Variants in CST2 observed in about 807,000 individuals in gnomAD.
The protein encoded by CST2 is cystatin SA, also known as cystatin-SA.
In CST2, 26 loss-of-function variants were observed where a neutral mutation model predicts 13.4. The observed-to-expected ratio is 1.95, with a 90% CI of 1.43 to 2.70. The LOEUF (loss-of-function observed/expected upper bound fraction) is 2.70, where lower values mean the gene tolerates loss of function less well. Among genes scored for constraint, CST2 ranks in the 30% most tolerant of loss-of-function variants. CST2 has a pLI of 0.00. For synonymous variants in CST2, 105 were observed against 71.1 expected (o/e 1.48, Z -2.40); for missense variants, 243 against 173.4 (o/e 1.40, Z -2.25).
chr20:23,826,392 A>C, intron 1 of CST2, 41 bp downstream of exon 1: 1 of 1,556,788 alleles, frequency 6.4e-7, no homozygotes, highest in Non-Finnish European at 8.8e-7. Flanking sequence ...GCAACAAACA[A>C]GGCTGGGACT....
rs771770883 is a variant in CST2, at chr20:23,826,684, G to C, written c.-24C>G. ...ATGGTCTCCTCGGAGGCAGAGCACA[G>C]AGCTGGAGCTGCAGGAGAGGAGGTT... On this transcript the variant is annotated 5_prime_UTR_variant, in exon 1 of 3. Transcript: ENST00000304725. 6.4e-7 allele frequency: 1 copy of C among 1,560,466 alleles called. No homozygotes were observed. The highest frequency in any genetic ancestry group is 2.3e-5 in the East Asian group (1 of 42,888).
At position 23,825,110 on chromosome 20, in the gene CST2, C is replaced by G. The variant is rs6036547; in HGVS notation, c.342+100G>C. The G allele has an allele frequency of 2.0e-6, 3 of 1,516,868 alleles. No individual in the cohort carries two copies. In the Admixed American group the frequency reaches 5.1e-5, roughly 26 times the overall value. 94.0% of individuals were successfully genotyped at this position (1,516,868 alleles called of 1,614,324 possible). ...CATACATGACTCCCCACATACCCAC[C>G]TGCACACACACACCCTCCAAACATG... On this transcript the variant is annotated intron_variant, in intron 2 of 2. Coordinates refer to ENST00000304725, the MANE Select transcript of CST2 (RefSeq NM_001322.3).
At position 23,823,928 on chromosome 20, in the gene CST2, C is replaced by G; in HGVS notation, c.*92G>C. On this transcript the variant is annotated 3_prime_UTR_variant, in exon 3 of 3. Transcript: ENST00000304725. Reference sequence around the variant, plus strand: ...TCCTGCTGCAGGTGCATGGGGAGACCTCCCACAGGGTGGGGGCCACCAGTC... The same window carrying G: ...TCCTGCTGCAGGTGCATGGGGAGACGTCCCACAGGGTGGGGGCCACCAGTC... 1.6e-6 allele frequency: 2 copies of G among 1,271,404 alleles called. No individual in the cohort carries two copies. The allele number at this position is 1,271,404 out of a possible 1,614,324, so 78.8% of individuals were successfully genotyped here. A position where few individuals can be genotyped will look rare whatever the true frequency, so the allele number is the denominator to read the frequency against.
Position 23,823,803 on chromosome 20 carries a change from T to A in CST2, c.*217A>T. On this transcript the variant is annotated 3_prime_UTR_variant, in exon 3 of 3. Transcript: ENST00000304725. ...ACTGTTTAATTGCAGGAGGTGGGGG[T>A]GTGTGTACCATGTACCAGGGCTATG... is the stretch of plus-strand genomic sequence containing the variant. 1 of 564,944 alleles carries A rather than the reference T, an allele frequency of 1.8e-6. No individual in the cohort carries two copies. Among genetic ancestry groups the A allele is most frequent in the Non-Finnish European group, 3.2e-6 (1 of 314,342 alleles). 35.0% of individuals were successfully genotyped at this position (564,944 alleles called of 1,614,324 possible).
In CST2 at chr20:23,825,309, C is replaced by A. The variant is rs115158019; in HGVS notation, c.243G>T (p.Val81=). ...LRAREQIVGG[V]NYFFDIEVGR... ...CCACCTCTATGTCGAAGAAGTAATTCACCCCGCCCACGATCTACACACATG... is the reference window on the plus strand; with the variant it reads ...CCACCTCTATGTCGAAGAAGTAATTAACCCCGCCCACGATCTACACACATG... Residue 81 remains valine (V), a synonymous_variant, in exon 2 of 3, where the codon GTG becomes GTT. Transcript: ENST00000304725. The A allele has an allele frequency of 8.5e-4, 1,238 of 1,459,922 alleles. 8 individuals carry two copies. In the African/African-American group the frequency reaches 0.02, roughly 23 times the overall value. The allele number at this position is 1,459,922 out of a possible 1,614,324, so 90.4% of individuals were successfully genotyped here.
In CST2 at chr20:23,824,062, C is replaced by T. The variant is rs1391825747; in HGVS notation, c.384G>A (p.Glu128=). ...CSFQIYEVPW[E]DRMSLVNSRC... Reference sequence around the variant, plus strand: ...TGGAATTCACCAGGGACATTCTGTCCTCCCAGGGAACTTCGTAGATCTGGA... The same window carrying T: ...TGGAATTCACCAGGGACATTCTGTCTTCCCAGGGAACTTCGTAGATCTGGA... Residue 128 remains glutamate, a synonymous_variant, in exon 3 of 3, where the codon GAG becomes GAA. Coordinates refer to ENST00000304725, the MANE Select transcript of CST2 (RefSeq NM_001322.3). The T allele has an allele frequency of 1.9e-6, 3 of 1,614,004 alleles. No individual in the cohort carries two copies. The highest frequency in any genetic ancestry group is 1.3e-5 in the African/African-American group (1 of 74,926).
chr20:23,825,749 G>C (rs1984813301), intron 1 of CST2, among the ~76,000 whole-genome samples: 1 of 152,208 alleles, frequency 6.6e-6, no homozygotes, highest in Non-Finnish European at 1.5e-5. Flanking sequence ...TCCCGTGCAG[G>C]GTGAGGGTCC....
rs1449975861 is a variant in CST2, at chr20:23,823,981, G to A, written c.*39C>T. The A allele has an allele frequency of 1.2e-6, 2 of 1,606,864 alleles. No homozygotes were observed. The highest frequency in any genetic ancestry group is 2.2e-5 in the South Asian group (2 of 90,848). ...GGGGTGGGAGCACTACAAGGGGTGG[G>A]AGTAGGAGGTGGTCAGTGTGACTCC... On this transcript the variant is annotated 3_prime_UTR_variant, in exon 3 of 3. Transcript: ENST00000304725.
intron 2 of CST2, 57 bp downstream of exon 2, chr20:23,825,153 C>T: frequency 6.2e-7 from 1 of 1,605,520 alleles, no homozygotes; most frequent in Admixed American, 1.7e-5. Context: ...CAGAGACTGA[C>T]ACATACGCAC....
chr20:23,824,141 T>G (rs1416653567), intron 2 of CST2, 38 bp from the exon 3 acceptor site: 2 of 1,607,554 alleles, frequency 1.2e-6, no homozygotes, highest in Non-Finnish European at 1.7e-6. Context: ...CAGTGTGAGT[T>G]ACAGTTAAAG....
Position 23,823,974 on chromosome 20 carries a change from G to T in CST2, c.*46C>A, listed in dbSNP as rs541393635. ...CAGTCCAGGGGTGGGAGCACTACAA[G>T]GGGTGGGAGTAGGAGGTGGTCAGTG... On this transcript the variant is annotated 3_prime_UTR_variant, in exon 3 of 3. Coordinates refer to ENST00000304725, the MANE Select transcript of CST2 (RefSeq NM_001322.3). The T allele has an allele frequency of 8.4e-5, 134 of 1,601,846 alleles. No homozygotes were observed. In the Admixed American group the frequency reaches 8.8e-4, roughly 11 times the overall value.
intron 1 of CST2, among the ~76,000 whole-genome samples, chr20:23,825,657 G>A (rs1488519638): frequency 6.6e-6 from 1 of 152,232 alleles, no homozygotes; most frequent in Non-Finnish European, 1.5e-5. Flanking sequence ...GGTCTGCAAT[G>A]CCCTGTGCTT....
intron 2 of CST2, 104 bp downstream of exon 2, chr20:23,825,106 C>T (rs1240519776): frequency 1.5e-5 from 22 of 1,496,444 alleles, no homozygotes; most frequent in Non-Finnish European, 1.8e-5. Context: ...CCCCACATAC[C>T]CACCTGCACA....
chr20:23,826,326 G>A (rs1202000324), intron 1 of CST2, 107 bp downstream of exon 1: 2 of 894,032 alleles, frequency 2.2e-6, no homozygotes, highest in South Asian at 1.6e-5. Flanking sequence ...ATGAATCTGA[G>A]CATTAGATCA....
chr20:23,826,461 A>G lies in CST2; in HGVS notation c.200T>C (p.Leu67Pro), dbSNP rs1016727867. The change falls in exon 1 of 3, where the codon CTG becomes CCG. Residue 67 changes from leucine to proline, a missense_variant. By Grantham distance (98) the Leu-to-Pro change is moderately conservative (BLOSUM62 -3). Coordinates refer to ENST00000304725, the MANE Select transcript of CST2 (RefSeq NM_001322.3). ...KATEDEYYRR[L>P]LRVLRAREQI... ...CTCCCTGGCTCGTAGCACCCGCAGCAGGCGTCTGTAGTACTCATCTTCAGT... is the reference window on the plus strand; with the variant it reads ...CTCCCTGGCTCGTAGCACCCGCAGCGGGCGTCTGTAGTACTCATCTTCAGT... 4 of 1,614,040 alleles carry G rather than the reference A, an allele frequency of 2.5e-6. No individual in the cohort carries two copies. Among genetic ancestry groups the G allele is most frequent in the African/African-American group, 2.7e-5 (2 of 74,940 alleles).
chr20:23,825,053 T>A (rs28624885), intron 2 of CST2, among the ~76,000 whole-genome samples, 157 bp downstream of exon 2: 6 of 151,368 alleles, frequency 4.0e-5, no homozygotes, highest in East Asian at 2.0e-4. Flanking sequence ...TGCACAACCC[T>A]CCACAAGTAC....
intron 2 of CST2, 140 bp downstream of exon 2, chr20:23,825,070 A>G: frequency 1.7e-6 from 2 of 1,209,008 alleles, no homozygotes; most frequent in Admixed American, 1.8e-5. Flanking sequence ...GTACATGAAC[A>G]TGTATACATC....
Position 23,824,077 on chromosome 20 carries a change from G to A in CST2, c.369C>T (p.Tyr123=), listed in dbSNP as rs13041691. Residue 123 remains tyrosine (Y), a synonymous_variant, in exon 3 of 3, where the codon TAC becomes TAT. Transcript: ENST00000304725. The stretch of plus-strand genomic sequence containing the variant: ...ACATTCTGTCCTCCCAGGGAACTTC[G>A]TAGATCTGGAAAGAGCACAACTGTT... ...QKKQLCSFQI[Y]EVPWEDRMSL... 3.2e-5 allele frequency: 51 copies of A among 1,614,080 alleles called. No homozygotes were observed. Among genetic ancestry groups the A allele is most frequent in the Middle Eastern group, 1.6e-4 (1 of 6,062 alleles).
intron 1 of CST2, 50 bp from the exon 2 acceptor site, chr20:23,825,373 T>A (rs1382123844): frequency 1.5e-5 from 24 of 1,591,956 alleles, no homozygotes; most frequent in Non-Finnish European, 2.1e-5. Context: ...CATCAGTTCA[T>A]GCACTCACAG....
Sources: gnomAD v4.1 joint callset for allele counts (sites outside exome capture counted in the v4.1 genomes callset) on GRCh38, gnomAD v4.1.1 for gene constraint, MANE v1.5 for transcripts, NCBI Gene and HGNC (gene_info 2026-07-23, HGNC 2026-07-21) for gene names.